The following MCF2L2 variants were observed in gnomAD, a reference collection of about 807,000 sequenced individuals.
MCF2L2 encodes probable guanine nucleotide exchange factor MCF2L2.
Under a neutral mutation model 150.2 loss-of-function variants are expected in MCF2L2, and 102 were observed. The observed-to-expected ratio is 0.68, with a 90% CI of 0.58 to 0.80. The LOEUF is 0.80. MCF2L2 is among the 30% of genes least tolerant of loss of function. The pLI is 0.00. For synonymous variants in MCF2L2, 465 were observed against 491.3 expected (o/e 0.95, Z 0.71); for missense variants, 1,256 against 1,372.8 (o/e 0.91, Z 1.34).
intron 15 of MCF2L2, among the ~76,000 whole-genome samples, chr3:183,274,431 T>A (rs1012436403): frequency 3.9e-5 from 6 of 152,184 alleles, no homozygotes; most frequent in African/African-American, 1.2e-4. Context: ...TACACCTACT[T>A]TGGAGTGTCT....
In MCF2L2 at chr3:183,229,830, G is replaced by T. The variant is rs751603982; in HGVS notation, c.1930-49C>A. The T allele has an allele frequency of 6.4e-6, 5 of 785,792 alleles. No homozygotes were observed. The African/African-American group carries it at 8.8e-5, about 14-fold the overall frequency. 48.7% of individuals were successfully genotyped at this position (785,792 alleles called of 1,614,324 possible). ...GTGTTACAAACAGGAACATACCAGA[G>T]ATCATCTGAATTAGCTACTGCAAAA... On this transcript the variant is annotated intron_variant, in intron 16 of 29. Transcript: ENST00000328913.
chr3:183,347,056 A>G (rs1323040889), intron 3 of MCF2L2, among the ~76,000 whole-genome samples: 1 of 152,230 alleles, frequency 6.6e-6, no homozygotes, highest in Non-Finnish European at 1.5e-5. Flanking sequence ...AGAAAAAACT[A>G]CTTTAAATTT....
chr3:183,391,882 A>AT (rs1384403241), intron 1 of MCF2L2, among the ~76,000 whole-genome samples: 22 of 151,154 alleles, frequency 1.5e-4, no homozygotes, highest in South Asian at 4.2e-4. Flanking sequence ...ATACCTGAGC[A>AT]TTTTTTTGAT....
chr3:183,191,032 T>C (rs1408504333), intron 27 of MCF2L2, among the ~76,000 whole-genome samples: 3 of 152,040 alleles, frequency 2.0e-5, no homozygotes, highest in Non-Finnish European at 4.4e-5. Flanking sequence ...ATTACAGGCG[T>C]GTACCACCAT....
chr3:183,314,330 G>A (rs1488370150), intron 7 of MCF2L2, among the ~76,000 whole-genome samples: 1 of 152,186 alleles, frequency 6.6e-6, no homozygotes, highest in African/African-American at 2.4e-5. Flanking sequence ...TTAGAAGTTT[G>A]ATACGATTGT....
intron 15 of MCF2L2, among the ~76,000 whole-genome samples, chr3:183,241,730 G>T (rs1724035243): frequency 6.6e-6 from 1 of 152,216 alleles, no homozygotes; most frequent in Non-Finnish European, 1.5e-5. Flanking sequence ...GTAGAGTGGG[G>T]TGCTGCAGTA....
intron 1 of MCF2L2, among the ~76,000 whole-genome samples, chr3:183,419,999 G>A (rs1271060050): frequency 6.6e-6 from 1 of 152,196 alleles, no homozygotes; most frequent in Non-Finnish European, 1.5e-5. Flanking sequence ...CAGTTTCTTT[G>A]CTAAAGTATA....
chr3:183,383,384 AC>A (rs1315433582), intron 2 of MCF2L2, among the ~76,000 whole-genome samples: 2 of 151,956 alleles, frequency 1.3e-5, no homozygotes, highest in East Asian at 3.9e-4. Flanking sequence ...ACAGGTATGC[AC>A]CACCACACCC....
At chr3:183,246,337 A>T (rs1460587350) in intron 15 of MCF2L2, among the ~76,000 whole-genome samples, 8 of 152,212 alleles carry the variant, frequency 5.3e-5, no homozygotes, top group Non-Finnish European at 1.0e-4. Flanking sequence ...CCTATTAAAC[A>T]TGACCTCATT....
chr3:183,192,872 G>C (rs1721946412), intron 27 of MCF2L2, 127 bp downstream of exon 27: 2 of 660,970 alleles, frequency 3.0e-6, no homozygotes, highest in Admixed American at 2.6e-5. Context: ...GTGGTAAAAT[G>C]CTTTCTTTTT....
At chr3:183,363,073 T>C (rs1246834408) in intron 3 of MCF2L2, among the ~76,000 whole-genome samples, 2 of 142,606 alleles carry the variant, frequency 1.4e-5, no homozygotes, top group East Asian at 2.1e-4. Flanking sequence ...CATTGGGGAA[T>C]TGCAAATTAA....
At chr3:183,369,934 G>T (rs1026022193) in intron 3 of MCF2L2, among the ~76,000 whole-genome samples, 1 of 152,094 alleles carries the variant, frequency 6.6e-6, no homozygotes, top group African/African-American at 2.4e-5. Flanking sequence ...ATAGCTAATC[G>T]CTCACCCACT....
chr3:183,199,621 CTTTT>C (rs1163310933), intron 25 of MCF2L2, among the ~76,000 whole-genome samples: 1 of 141,606 alleles, frequency 7.1e-6, no homozygotes, highest in Non-Finnish European at 1.6e-5. Context: ...TTTTTTTTTC[CTTTT>C]TTTTTTTTTT....
At chr3:183,365,974 T>C (rs1712498039) in intron 3 of MCF2L2, among the ~76,000 whole-genome samples, 2 of 151,424 alleles carry the variant, frequency 1.3e-5, no homozygotes, top group Admixed American at 1.3e-4. Flanking sequence ...CATATATATA[T>C]GAGTAAAAAG....
chr3:183,428,266 C>G lies in MCF2L2; in HGVS notation c.-289G>C. 2.7e-6 allele frequency: 1 copy of G among 372,852 alleles called. No individual in the cohort carries two copies. Among genetic ancestry groups the G allele is most frequent in the Non-Finnish European group, 4.8e-6 (1 of 206,866 alleles). 23.1% of individuals were successfully genotyped at this position (372,852 alleles called of 1,614,324 possible). ...AAGCAAGTCGCCAATCTCGCCGGAA[C>G]CGCGCCCCGGCTCCTCCGGCCGGGC... On this transcript the variant is annotated 5_prime_UTR_variant, in exon 1 of 30. Transcript: ENST00000328913. The surrounding 1 kb of genome is among the most constrained non-coding windows in gnomAD (Gnocchi z 5.1).
Position 183,399,414 on chromosome 3 carries a change from A to C in MCF2L2, c.77-9635T>G, listed in dbSNP as rs1465065350. Among the ~76,000 whole-genome samples, 3 of 152,260 alleles carry C rather than the reference A, an allele frequency of 2.0e-5. No individual in the cohort carries two copies. The East Asian group carries it at 5.8e-4, about 29-fold the overall frequency. ...GTGATCCAAAGGGAATAAATGTATT[A>C]TAAACATTTTCAAGGCAAAAAATAA... is the stretch of plus-strand genomic sequence containing the variant. On this transcript the variant is annotated intron_variant, in intron 1 of 29. Transcript: ENST00000328913.
chr3:183,407,283 A>T (rs1715093192), intron 1 of MCF2L2, among the ~76,000 whole-genome samples: 2 of 152,180 alleles, frequency 1.3e-5, no homozygotes, highest in South Asian at 4.1e-4. Context: ...TTTTAAAATT[A>T]GGTAATGTGA....
intron 3 of MCF2L2, chr3:183,372,895 T>C (rs1048181774): frequency 3.3e-5 from 5 of 152,232 alleles, no homozygotes; most frequent in African/African-American, 9.6e-5. Flanking sequence ...TGTTGATTTG[T>C]AGGACCAACA....
chr3:183,329,347 CA>C (rs1730175962), intron 5 of MCF2L2, among the ~76,000 whole-genome samples: 1 of 152,116 alleles, frequency 6.6e-6, no homozygotes, highest in Non-Finnish European at 1.5e-5. Flanking sequence ...CCACCATGCC[CA>C]GCTAATTTCT....
Sources: allele counts gnomAD v4.1 joint callset (sites outside exome capture counted in the v4.1 genomes callset), GRCh38; gene constraint gnomAD v4.1.1; non-coding constraint Gnocchi (gnomAD v3.1); transcripts MANE v1.5; gene names NCBI Gene and HGNC (gene_info 2026-07-23, HGNC 2026-07-21).